Variants in TANC2 observed in about 807,000 individuals in gnomAD.
The protein encoded by TANC2 is tetratricopeptide repeat, ankyrin repeat and coiled-coil containing 2.
In TANC2, 26 loss-of-function variants were observed where a neutral mutation model predicts 210.5. That is an observed-to-expected ratio of 0.12 (90% CI 0.09 to 0.17). The LOEUF is 0.17. TANC2 is among the 10% of genes least tolerant of loss of function. The pLI is 1.00. For missense variants in TANC2, 2,129 were observed against 2,608.9 expected (o/e 0.82, Z 4.01); for synonymous variants, 931 against 967.1 (o/e 0.96, Z 0.69).
chr17:63,200,653 A>G (rs2041501778), intron 6 of TANC2, 118 bp from the exon 7 acceptor site: 1 of 865,036 alleles, frequency 1.2e-6, no homozygotes, highest in Non-Finnish European at 1.8e-6. Flanking sequence ...AATAGAGCCT[A>G]ATAGATGTAA....
At chr17:63,117,263 C>T (rs531323965) in intron 4 of TANC2, 2 of 152,244 alleles carry the variant, frequency 1.3e-5, no homozygotes, top group African/African-American at 4.8e-5. Context: ...AACCTAAGAA[C>T]CAGTTCTTCC....
chr17:63,323,259 T>C (rs1232230159), intron 11 of TANC2, among the ~76,000 whole-genome samples: 3 of 152,260 alleles, frequency 2.0e-5, no homozygotes, highest in Non-Finnish European at 4.4e-5. Flanking sequence ...TGTCATTTCT[T>C]TGTATGTCAG....
At chr17:63,399,055 A>T (rs1361113361) in intron 19 of TANC2, 141 bp downstream of exon 19, 14 of 526,338 alleles carry the variant, frequency 2.7e-5, no homozygotes, top group Non-Finnish European at 4.4e-5. Flanking sequence ...CAGCCAAACT[A>T]AACAGTCAAG....
intron 17 of TANC2, among the ~76,000 whole-genome samples, chr17:63,392,543 C>T (rs922621170): frequency 3.3e-5 from 5 of 152,202 alleles, no homozygotes; most frequent in Admixed American, 6.5e-5. Context: ...CCACTATCCC[C>T]CTGAATTATT....
intron 12 of TANC2, among the ~76,000 whole-genome samples, chr17:63,343,170 G>A (rs553432233): frequency 3.3e-5 from 5 of 149,492 alleles, no homozygotes; most frequent in African/African-American, 5.1e-5. Context: ...ATATTAAAAG[G>A]TAGAAACTGT....
rs990104693 is a variant in TANC2 at position 63,180,417 on chromosome 17, T to G, written c.434-13574T>G. 2.6e-5 allele frequency among the ~76,000 whole-genome samples: 4 copies of G among 152,292 alleles called. No individual in the cohort carries two copies. In the East Asian group the frequency reaches 7.7e-4, roughly 29 times the overall value. ...TTTTAGATAGGAAAAGGGACAATATTGCTGTTAAAAGGAGGGAAGGATGAT... is the reference window on the plus strand; with the variant it reads ...TTTTAGATAGGAAAAGGGACAATATGGCTGTTAAAAGGAGGGAAGGATGAT... On this transcript the variant is annotated intron_variant, in intron 5 of 27. Transcript: ENST00000689528.
rs869063496 is a variant in TANC2 at position 63,055,965 on chromosome 17, CAAAA to C, written c.68-17955_68-17952del. 2.1e-3 allele frequency among the ~76,000 whole-genome samples: 111 copies of C among 52,508 alleles called. 1 individual carries two copies. Among genetic ancestry groups the C allele is most frequent in the East Asian group, 8.0e-3 (7 of 878 alleles). The allele number at this position is 52,508 out of a possible 152,430, so 34.4% of individuals were successfully genotyped here. A position where few individuals can be genotyped will look rare whatever the true frequency, so the allele number is the denominator to read the frequency against. Reference sequence around the variant, plus strand: ...CAACGTAGTGAGACCTCATCTCTACCAAAAAAAAAAAAAAAAAAAAAAAAAATAT... The same window carrying C: ...CAACGTAGTGAGACCTCATCTCTACCAAAAAAAAAAAAAAAAAAAAAATAT... On this transcript the variant is annotated intron_variant, in intron 2 of 27. Transcript: ENST00000689528.
intron 7 of TANC2, among the ~76,000 whole-genome samples, chr17:63,207,531 C>CT (rs2041759954): frequency 6.6e-6 from 1 of 152,092 alleles, no homozygotes; most frequent in African/African-American, 2.4e-5. Context: ...TTCTTTTGTG[C>CT]TTACTGTTAT....
intron 2 of TANC2, among the ~76,000 whole-genome samples, chr17:63,039,207 T>C (rs2035088881): frequency 6.6e-6 from 1 of 152,200 alleles, no homozygotes; most frequent in African/African-American, 2.4e-5. Context: ...TAAATTTTCT[T>C]GAAAAAATTA....
At chr17:63,259,784 G>T (rs2043303342) in intron 8 of TANC2, among the ~76,000 whole-genome samples, 2 of 151,958 alleles carry the variant, frequency 1.3e-5, no homozygotes, top group Admixed American at 1.3e-4. Context: ...TTTGAATTTT[G>T]CTTTAATGTA....
intron 4 of TANC2, among the ~76,000 whole-genome samples, chr17:63,106,145 G>A (rs150281683): frequency 0.01 from 1,555 of 151,578 alleles, 48 homozygotes; most frequent in Admixed American, 0.068. Context: ...AAAAGGGGGG[G>A]CCCTTATTTC....
intron 1 of TANC2, among the ~76,000 whole-genome samples, chr17:62,972,337 G>T (rs2143257693): frequency 6.6e-6 from 1 of 152,206 alleles, no homozygotes; most frequent in Middle Eastern, 3.4e-3. Context: ...CAAAATAATT[G>T]TGTTAGTGTT....
intron 14 of TANC2, among the ~76,000 whole-genome samples, chr17:63,359,106 C>G (rs781497807): frequency 1.3e-5 from 2 of 151,992 alleles, no homozygotes. Context: ...CTCTGTCACT[C>G]AGGCTGGAGT....
intron 8 of TANC2, among the ~76,000 whole-genome samples, chr17:63,239,610 A>G (rs2042718488): frequency 6.6e-6 from 1 of 152,210 alleles, no homozygotes; most frequent in Admixed American, 6.5e-5. Context: ...GTTAAAGATT[A>G]TTCACTTTTA....
chr17:63,114,731 G>A (rs997040633), intron 4 of TANC2, among the ~76,000 whole-genome samples: 5 of 151,836 alleles, frequency 3.3e-5, no homozygotes, highest in Non-Finnish European at 5.9e-5. Context: ...TAGCAAGACT[G>A]AAAAAAGAAT....
chr17:63,114,903 T>C (rs2038194727), intron 4 of TANC2, among the ~76,000 whole-genome samples: 1 of 152,196 alleles, frequency 6.6e-6, no homozygotes. Context: ...AAAACCTGTG[T>C]ACTTTGTCTT....
chr17:63,010,111 A>G (rs1308644998), intron 2 of TANC2, among the ~76,000 whole-genome samples: 2 of 152,170 alleles, frequency 1.3e-5, no homozygotes, highest in African/African-American at 4.8e-5. Context: ...AGGTAAAACT[A>G]TATATACTTC....
intron 2 of TANC2, among the ~76,000 whole-genome samples, chr17:63,062,043 A>C (rs985076074): frequency 1.3e-5 from 2 of 152,096 alleles, no homozygotes; most frequent in Admixed American, 1.3e-4. Flanking sequence ...TTGAAATTGC[A>C]CATTACAGTT....
chr17:63,414,971 C>T (rs2048814880), intron 25 of TANC2, among the ~76,000 whole-genome samples: 1 of 152,192 alleles, frequency 6.6e-6, no homozygotes, highest in Admixed American at 6.5e-5. Context: ...CCATGCCTTT[C>T]CAAAAATGGG....
Sources: gnomAD v4.1 joint callset for allele counts (sites outside exome capture counted in the v4.1 genomes callset) on GRCh38, gnomAD v4.1.1 for gene constraint, MANE v1.5 for transcripts, NCBI Gene and HGNC (gene_info 2026-07-23, HGNC 2026-07-21) for gene names.